The following GRM7 variants were observed in gnomAD, a reference collection of about 807,000 sequenced individuals.
The protein encoded by GRM7 is metabotropic glutamate receptor 7.
GRM7 carries 35 observed loss-of-function variants against 84.5 expected under a neutral mutation model. The ratio of observed to expected loss-of-function variants is 0.41; its 90% CI spans 0.32 to 0.55. GRM7 has a LOEUF of 0.55. GRM7 is among the 20% of genes least tolerant of loss of function. The probability of loss-of-function intolerance (pLI) is 0.19; values close to 1 mark genes in which losing one functional copy is unlikely to be tolerated. For missense variants in GRM7, 1,003 were observed against 1,194.6 expected, an observed-to-expected ratio of 0.84 and a Z score of 2.36; for synonymous variants, 487 against 455.1, an observed-to-expected ratio of 1.07 and a Z score of -0.89.
At chr3:6,999,004 C>T (rs1694921367) in intron 1 of GRM7, among the ~76,000 whole-genome samples, 1 of 152,218 alleles carries the variant, frequency 6.6e-6, no homozygotes, top group Non-Finnish European at 1.5e-5. Context: ...CTGCAAATTT[C>T]TGGAGCAGGC....
At chr3:7,606,409 A>T (rs561027680) in intron 8 of GRM7, among the ~76,000 whole-genome samples, 4 of 152,320 alleles carry the variant, frequency 2.6e-5, no homozygotes, top group Non-Finnish European at 2.9e-5. Flanking sequence ...AAAATTTTTT[A>T]AAAAATCAGA....
chr3:6,947,218 C>T (rs56693790), intron 1 of GRM7, among the ~76,000 whole-genome samples: 1 of 151,888 alleles, frequency 6.6e-6, no homozygotes, highest in South Asian at 2.1e-4. Context: ...TTATTTTGAG[C>T]TATGTCCCAT....
intron 5 of GRM7, among the ~76,000 whole-genome samples, chr3:7,433,047 TAAAG>T (rs943547611): frequency 4.0e-5 from 6 of 151,850 alleles, no homozygotes; most frequent in Non-Finnish European, 8.8e-5. Flanking sequence ...AATTAAAAAA[TAAAG>T]AAGGAAAGTA....
chr3:6,952,953 A>G (rs906001523), intron 1 of GRM7, among the ~76,000 whole-genome samples: 1 of 152,232 alleles, frequency 6.6e-6, no homozygotes, highest in Non-Finnish European at 1.5e-5. Context: ...TGGATAGTTG[A>G]CTGCACAATA....
chr3:7,545,279 C>A (rs1693090226), intron 7 of GRM7, among the ~76,000 whole-genome samples: 1 of 152,202 alleles, frequency 6.6e-6, no homozygotes, highest in South Asian at 2.1e-4. Flanking sequence ...AGTGCACAGG[C>A]CAATGCCTGA....
chr3:7,736,754 T>A (rs1297447717), intron 9 of GRM7, among the ~76,000 whole-genome samples: 1 of 152,154 alleles, frequency 6.6e-6, no homozygotes. Context: ...TGTCAAAGTG[T>A]TATATTCAGG....
intron 1 of GRM7, 71 bp from the exon 2 acceptor site, chr3:7,146,381 T>C: frequency 8.5e-7 from 1 of 1,170,902 alleles, no homozygotes; most frequent in Non-Finnish European, 1.3e-6. Flanking sequence ...TTAAGTAAAC[T>C]GTCATAAGTA....
chr3:7,621,708 A>G (rs1447192493), intron 8 of GRM7, among the ~76,000 whole-genome samples: 3 of 152,064 alleles, frequency 2.0e-5, no homozygotes, highest in African/African-American at 7.2e-5. Flanking sequence ...GAAATTTCAC[A>G]TGGAGGGAGG....
At chr3:7,142,303 G>A (rs1050441380) in intron 1 of GRM7, among the ~76,000 whole-genome samples, 3 of 152,062 alleles carry the variant, frequency 2.0e-5, no homozygotes, top group African/African-American at 7.2e-5. Flanking sequence ...CTTTCACACT[G>A]CTATAAAGAA....
chr3:7,558,301 G>A (rs888412172), intron 7 of GRM7, among the ~76,000 whole-genome samples: 2 of 152,016 alleles, frequency 1.3e-5, no homozygotes, highest in African/African-American at 4.8e-5. Context: ...GGCATAGAGT[G>A]GATGTTCAAT....
chr3:7,189,638 T>C (rs938871945), intron 2 of GRM7, among the ~76,000 whole-genome samples: 1 of 152,118 alleles, frequency 6.6e-6, no homozygotes, highest in Non-Finnish European at 1.5e-5. Flanking sequence ...CCTCAACCTT[T>C]TGTCTTACAT....
chr3:7,450,852 T>C (rs1198836547), intron 5 of GRM7, among the ~76,000 whole-genome samples: 1 of 152,116 alleles, frequency 6.6e-6, no homozygotes, highest in Admixed American at 6.6e-5. Flanking sequence ...TTAATGGTGC[T>C]CTGAAATGGA....
At chr3:7,561,992 A>T (rs1408717542) in intron 7 of GRM7, among the ~76,000 whole-genome samples, 1 of 152,114 alleles carries the variant, frequency 6.6e-6, no homozygotes, top group Non-Finnish European at 1.5e-5. Flanking sequence ...TCACTGCCAC[A>T]TCCCCTGAAC....
intron 4 of GRM7, among the ~76,000 whole-genome samples, chr3:7,412,014 T>C (rs1695959958): frequency 6.6e-6 from 1 of 151,490 alleles, no homozygotes; most frequent in African/African-American, 2.4e-5. Context: ...CCCTTTTCTC[T>C]TTTTGCTCTC....
intron 4 of GRM7, among the ~76,000 whole-genome samples, chr3:7,408,758 G>A (rs1022559867): frequency 6.6e-6 from 1 of 152,074 alleles, no homozygotes; most frequent in African/African-American, 2.4e-5. Flanking sequence ...TAGAGTCGAG[G>A]GTGCAGGACA....
chr3:7,544,194 G>C (rs1347343403), intron 7 of GRM7, among the ~76,000 whole-genome samples: 1 of 152,146 alleles, frequency 6.6e-6, no homozygotes, highest in Non-Finnish European at 1.5e-5. Context: ...AAGAGACAGG[G>C]TCTCACTCTG....
In GRM7 at chr3:7,296,917, G is replaced by A. The variant is rs1699835551; in HGVS notation, c.737-1767G>A. On this transcript the variant is annotated intron_variant, in intron 2 of 9. Coordinates refer to ENST00000357716, the MANE Select transcript of GRM7 (RefSeq NM_000844.4). The stretch of plus-strand genomic sequence containing the variant: ...TCCCTCCTCAGTCTCTTGAGTAATG[G>A]ATCTGTAGGTTTTCACAATCATGCT... Among the ~76,000 whole-genome samples, 3 of 151,510 alleles carry A rather than the reference G, an allele frequency of 2.0e-5. No individual in the cohort carries two copies. The South Asian group carries it at 6.2e-4, about 32-fold the overall frequency.
chr3:7,680,458 T>G (rs1700321730), intron 9 of GRM7, 163 bp downstream of exon 9: 2 of 655,804 alleles, frequency 3.0e-6, no homozygotes, highest in South Asian at 3.9e-5. Flanking sequence ...TTTGACTCAT[T>G]CCTGCCACCA....
intron 1 of GRM7, among the ~76,000 whole-genome samples, chr3:7,100,156 CAAAG>C (rs1373715215): frequency 2.0e-5 from 3 of 151,340 alleles, no homozygotes; most frequent in African/African-American, 4.8e-5. Context: ...GGCACAGAAA[CAAAG>C]AACCTAACTT....
Sources: allele counts gnomAD v4.1 joint callset (sites outside exome capture counted in the v4.1 genomes callset), GRCh38; gene constraint gnomAD v4.1.1; transcripts MANE v1.5; gene names NCBI Gene and HGNC (gene_info 2026-07-23, HGNC 2026-07-21).